The following PCDHGA4 variants were observed in gnomAD, a reference collection of about 807,000 sequenced individuals.
PCDHGA4 encodes the protein protocadherin gamma subfamily A, 4.
A neutral mutation model predicts 54.6 loss-of-function variants in PCDHGA4; 38 were observed. The ratio of observed to expected loss-of-function variants is 0.70; its 90% CI spans 0.54 to 0.91. PCDHGA4 has a LOEUF of 0.91. Among genes scored for constraint, PCDHGA4 ranks in the 40% least tolerant of loss-of-function variants. The probability of loss-of-function intolerance (pLI) is 0.00; values close to 1 mark genes in which losing one functional copy is unlikely to be tolerated. For missense variants in PCDHGA4, 1,298 were observed against 1,220.9 expected, an observed-to-expected ratio of 1.06 and a Z score of -0.94; for synonymous variants, 511 against 512.9, an observed-to-expected ratio of 1.00 and a Z score of 0.05.
At chr5:141,418,057 G>A (rs2096216088) in intron 1 of PCDHGA4, 2 of 1,614,050 alleles carry the variant, frequency 1.2e-6, no homozygotes, top group East Asian at 4.5e-5. Context: ...CTCGCGAGCT[G>A]CGAGTGAGCG....
intron 1 of PCDHGA4, chr5:141,433,097 G>C: frequency 6.2e-7 from 1 of 1,614,162 alleles, no homozygotes; most frequent in Non-Finnish European, 8.5e-7. Context: ...AGACATGCTC[G>C]TCAGCCAGGA....
intron 1 of PCDHGA4, chr5:141,362,285 T>C (rs780234982): frequency 6.2e-7 from 1 of 1,614,016 alleles, no homozygotes; most frequent in Non-Finnish European, 8.5e-7. Flanking sequence ...CGCCTGCGAC[T>C]CTCTTCCAGG....
In PCDHGA4 at chr5:141,511,346, C is replaced by T; in HGVS notation, c.*173C>T. 7.1e-7 allele frequency: 1 copy of T among 1,400,168 alleles called. No homozygotes were observed. The allele number at this position is 1,400,168 out of a possible 1,614,324, so 86.7% of individuals were successfully genotyped here. A position where few individuals can be genotyped will look rare whatever the true frequency, so the allele number is the denominator to read the frequency against. On this transcript the variant is annotated 3_prime_UTR_variant, in exon 4 of 4. Transcript: ENST00000571252. ...AGTGCCCAGTCAGCACCTACCCCTT[C>T]CCCCCCAGGGGGTTGAATATGCAAA...
intron 1 of PCDHGA4, chr5:141,418,211 C>T (rs752988020): frequency 1.2e-6 from 2 of 1,613,916 alleles, no homozygotes; most frequent in East Asian, 4.5e-5. Context: ...AAATATTTTT[C>T]ATGTCATTGT....
At position 141,438,623 on chromosome 5, in the gene PCDHGA4, TATATATATATATAC is replaced by T. The variant is rs537048311; in HGVS notation, c.2515-56182_2515-56169del. Among the ~76,000 whole-genome samples the T allele has an allele frequency of 0.015, 646 of 42,812 alleles. 25 individuals are homozygous for T. In the East Asian group the frequency reaches 0.19, roughly 12 times the overall value. The allele number at this position is 42,812 out of a possible 152,430, so 28.1% of individuals were successfully genotyped here. A position where few individuals can be genotyped will look rare whatever the true frequency, so the allele number is the denominator to read the frequency against. On this transcript the variant is annotated intron_variant, in intron 1 of 3. Transcript: ENST00000571252. ...ATATATATATATATATATATATATA[TATATATATATATAC>T]ACACACACACACACATATATGTATA...
chr5:141,421,731 C>A (rs73792198), intron 1 of PCDHGA4: 144,261 of 1,613,668 alleles, frequency 0.089, 7,407 homozygotes, highest in African/African-American at 0.18. Flanking sequence ...TGAACTCCCT[C>A]CAGAGCTACC....
Position 141,375,991 on chromosome 5 carries a change from C to A in PCDHGA4, c.2514+18370C>A, listed in dbSNP as rs770239249. 2 of 1,613,448 alleles carry A rather than the reference C, an allele frequency of 1.2e-6. No homozygotes were observed. The highest frequency in any genetic ancestry group is 2.7e-5 in the African/African-American group (2 of 75,068). On this transcript the variant is annotated intron_variant, in intron 1 of 3. Transcript: ENST00000571252. ...CGGCGCGCGCCCTGCTGGACAGAGA[C>A]GCGCTCAAGCAGAGCCTAGTGGTGG...
intron 1 of PCDHGA4, chr5:141,371,894 G>C (rs1346040727): frequency 2.5e-6 from 4 of 1,613,426 alleles, no homozygotes; most frequent in Non-Finnish European, 3.4e-6. Flanking sequence ...AGCCGCGGGA[G>C]CTGTCGTCCT....
intron 1 of PCDHGA4, among the ~76,000 whole-genome samples, chr5:141,480,960 A>G (rs954219522): frequency 1.3e-5 from 2 of 152,190 alleles, no homozygotes; most frequent in African/African-American, 4.8e-5. Context: ...CGGAAGCATC[A>G]GTGAGGGAGA....
intron 1 of PCDHGA4, chr5:141,426,867 G>C (rs1436078091): frequency 2.2e-6 from 1 of 456,590 alleles, no homozygotes; most frequent in African/African-American, 2.0e-5. Flanking sequence ...ATTAGTGCTG[G>C]AGAAGCCCCT....
rs754178145 is a variant in PCDHGA4 at position 141,489,423 on chromosome 5, C to G, written c.2515-5384C>G. On this transcript the variant is annotated intron_variant, in intron 1 of 3. Transcript: ENST00000571252. The surrounding 1 kb of genome is among the most constrained non-coding windows in gnomAD (Gnocchi z 4.5). ...GCTTAAAGATGACAGATCTGTTGAG[C>G]CGGCGGCTGCAATTGGGCTCTGAGG... 3 of 1,614,098 alleles carry G rather than the reference C, an allele frequency of 1.9e-6. No individual in the cohort carries two copies. The highest frequency in any genetic ancestry group is 1.7e-5 in the Admixed American group (1 of 60,020).
In PCDHGA4 at chr5:141,356,620, A is replaced by G. The variant is rs369561232; in HGVS notation, c.1513A>G (p.Met505Val). 4 of 1,614,026 alleles carry G rather than the reference A, an allele frequency of 2.5e-6. No individual in the cohort carries two copies. The African/African-American group carries it at 4.0e-5, about 16-fold the overall frequency. ...NNPRGASILS[M>V]TAQDPDSGDN... ...CCCCAGAGGAGCCTCCATCTTATCT[A>G]TGACTGCTCAAGACCCTGACAGTGG... The change falls in exon 1 of 4, where the codon ATG becomes GTG. Residue 505 changes from methionine to valine, a missense_variant. By Grantham distance (21) the Met-to-Val change is conservative (BLOSUM62 1). Coordinates refer to ENST00000571252, the MANE Select transcript of PCDHGA4 (RefSeq NM_018917.4).
At chr5:141,504,529 G>A (rs1333393859) in intron 2 of PCDHGA4, among the ~76,000 whole-genome samples, 1 of 151,900 alleles carries the variant, frequency 6.6e-6, no homozygotes, top group African/African-American at 2.4e-5. Context: ...TATTTTATTC[G>A]TGTCATCATG....
At chr5:141,376,549 TC>T in intron 1 of PCDHGA4, 1 of 1,612,110 alleles carries the variant, frequency 6.2e-7, no homozygotes, top group South Asian at 1.1e-5. Context: ...AATCTGATCT[TC>T]CCGCAACCCA....
intron 1 of PCDHGA4, chr5:141,393,555 C>T (rs1561643318): frequency 1.2e-6 from 2 of 1,613,808 alleles, no homozygotes; most frequent in Admixed American, 3.3e-5. Context: ...CCCGATTTAC[C>T]GAGTGAAAGT....
In PCDHGA4 at chr5:141,490,706, T is replaced by C. The variant is rs777636562; in HGVS notation, c.2515-4101T>C. On this transcript the variant is annotated intron_variant, in intron 1 of 3. Coordinates refer to ENST00000571252, the MANE Select transcript of PCDHGA4 (RefSeq NM_018917.4). This position sits in a 1 kb window ranked among gnomAD's most constrained non-coding sequence, Gnocchi z 5.4. ...CCAGACACTGGGGATAATGCCCGCC[T>C]CACCTACTCCATTGTAGGAAATCAG... is the stretch of plus-strand genomic sequence containing the variant. The C allele has an allele frequency of 6.2e-7, 1 of 1,614,074 alleles. No homozygotes were observed. Among genetic ancestry groups the C allele is most frequent in the African/African-American group, 1.3e-5 (1 of 74,948 alleles).
intron 1 of PCDHGA4, chr5:141,478,028 G>A (rs2099428840): frequency 6.2e-7 from 1 of 1,614,060 alleles, no homozygotes; most frequent in South Asian, 1.1e-5. Flanking sequence ...CCAAGACACA[G>A]ATTCACCCAG....
intron 1 of PCDHGA4, among the ~76,000 whole-genome samples, chr5:141,406,174 G>A (rs990967391): frequency 2.6e-5 from 4 of 151,264 alleles, no homozygotes; most frequent in African/African-American, 9.7e-5. Flanking sequence ...CTGGGCTTAT[G>A]CAATCCTCCC....
intron 1 of PCDHGA4, among the ~76,000 whole-genome samples, chr5:141,460,365 A>G (rs887924740): frequency 6.6e-6 from 1 of 152,180 alleles, no homozygotes; most frequent in African/African-American, 2.4e-5. Context: ...TAGAAGTTTT[A>G]TAGTTTTACC....
Sources: allele counts gnomAD v4.1 joint callset (sites outside exome capture counted in the v4.1 genomes callset), GRCh38; gene constraint gnomAD v4.1.1; non-coding constraint Gnocchi (gnomAD v3.1); transcripts MANE v1.5; gene names NCBI Gene and HGNC (gene_info 2026-07-23, HGNC 2026-07-21).